The following SEM1 variants were observed in gnomAD, a reference collection of about 807,000 sequenced individuals.
SEM1 encodes SEM1 26S proteasome subunit, also known as 26S proteasome complex subunit SEM1.
A neutral mutation model predicts 12.7 loss-of-function variants in SEM1; 3 were observed. That is an observed-to-expected ratio of 0.24 (90% CI 0.11 to 0.61). The LOEUF is 0.61. Among genes scored for constraint, SEM1 ranks in the 20% least tolerant of loss-of-function variants. The pLI is 0.88. For synonymous variants in SEM1, 30 were observed against 27.8 expected, an observed-to-expected ratio of 1.08 and a Z score of -0.25; for missense variants, 59 against 81.3, an observed-to-expected ratio of 0.73 and a Z score of 1.06.
intron 1 of SEM1, among the ~76,000 whole-genome samples, chr7:96,705,405 A>G (rs1790420986): frequency 6.6e-6 from 1 of 152,084 alleles, no homozygotes; most frequent in Non-Finnish European, 1.5e-5. Flanking sequence ...GGAAGAGAAT[A>G]AAAGAATCTA....
chr7:96,539,140 C>T (rs1339333508), intron 2 of SEM1, among the ~76,000 whole-genome samples: 5 of 151,774 alleles, frequency 3.3e-5, no homozygotes. Context: ...GAACTGAATC[C>T]TGCCAGCAAC....
intron 2 of SEM1, among the ~76,000 whole-genome samples, chr7:96,595,727 A>G (rs1806976575): frequency 6.6e-6 from 1 of 152,028 alleles, no homozygotes; most frequent in African/African-American, 2.4e-5. Flanking sequence ...TATTCCAAAT[A>G]TTCATTTCTG....
At chr7:96,492,470 C>T (rs959982634) in intron 1 of SEM1, among the ~76,000 whole-genome samples, 2 of 151,518 alleles carry the variant, frequency 1.3e-5, no homozygotes, top group Non-Finnish European at 2.9e-5. Flanking sequence ...AGTGCAGTGG[C>T]GTGTTCACAG....
At chr7:96,708,854 G>A (rs138549085) in intron 1 of SEM1, among the ~76,000 whole-genome samples, 2 of 152,080 alleles carry the variant, frequency 1.3e-5, no homozygotes, top group East Asian at 1.9e-4. Flanking sequence ...AAAGCACTTA[G>A]ACAAGTTCCT....
intron 2 of SEM1, among the ~76,000 whole-genome samples, chr7:96,508,401 G>A (rs902297759): frequency 1.3e-5 from 2 of 152,056 alleles, no homozygotes; most frequent in African/African-American, 4.8e-5. Context: ...CACTTCTGGT[G>A]GCAGGGCAGG....
intron 2 of SEM1, among the ~76,000 whole-genome samples, chr7:96,654,247 G>T (rs756205913): frequency 2.0e-5 from 3 of 152,192 alleles, no homozygotes; most frequent in Non-Finnish European, 4.4e-5. Context: ...TCTACAACAT[G>T]AGAGTCCAGG....
Position 96,556,076 on chromosome 7 carries a change from A to T in SEM1, c.171-49378T>A, listed in dbSNP as rs1207500950. 2.6e-5 allele frequency among the ~76,000 whole-genome samples: 4 copies of T among 151,870 alleles called. No homozygotes were observed. The East Asian group carries it at 7.7e-4, about 29-fold the overall frequency. On this transcript the variant is annotated intron_variant and NMD_transcript_variant, in intron 2 of 3. Transcript: ENST00000466986. ...TCCTCCATCCTTTTATTTTGAGCCT[A>T]TGGGTGTCGCTGCACGTGAGATGGG...
At chr7:96,622,985 C>T (rs1341725441) in intron 2 of SEM1, 2 of 244,192 alleles carry the variant, frequency 8.2e-6, no homozygotes, top group Admixed American at 1.0e-4. Context: ...TTTGGCTAAA[C>T]ATCATTTCCA....
Position 96,706,890 on chromosome 7 carries a change from A to G in SEM1, c.76+2798T>C, listed in dbSNP as rs922890710. Among the ~76,000 whole-genome samples the G allele has an allele frequency of 3.3e-5, 5 of 152,302 alleles. 1 individual carries two copies. Among genetic ancestry groups the G allele is most frequent in the Middle Eastern group, 6.8e-3 (2 of 294 alleles). On this transcript the variant is annotated intron_variant, in intron 1 of 2. Coordinates refer to ENST00000248566, the MANE Select transcript of SEM1 (RefSeq NM_006304.2). ...AGAGATGTTCATAGGCTGCCTTAACAACACCAATTTTAATTTGTATCTGTT... is the reference window on the plus strand; with the variant it reads ...AGAGATGTTCATAGGCTGCCTTAACGACACCAATTTTAATTTGTATCTGTT...
intron 2 of SEM1, among the ~76,000 whole-genome samples, chr7:96,644,671 G>A (rs1808725480): frequency 6.6e-6 from 1 of 152,172 alleles, no homozygotes; most frequent in South Asian, 2.1e-4. Context: ...AGGGCAGAAT[G>A]CTTTCAGGGT....
chr7:96,688,834 C>T lies in SEM1; in HGVS notation c.*90G>A. The T allele has an allele frequency of 2.7e-6, 2 of 733,174 alleles. No homozygotes were observed. The highest frequency in any genetic ancestry group is 2.5e-5 in the Admixed American group (1 of 40,012). 45.4% of individuals were successfully genotyped at this position (733,174 alleles called of 1,614,324 possible). On this transcript the variant is annotated 3_prime_UTR_variant, in exon 3 of 3. Coordinates refer to ENST00000248566, the MANE Select transcript of SEM1 (RefSeq NM_006304.2). ...AAATCCAAGCAGATAATGAAATAAA[C>T]ACATTTTTTTAGTGTCCCATCCTGG...
At chr7:96,545,540 A>G (rs576603757) in intron 2 of SEM1, among the ~76,000 whole-genome samples, 20 of 152,250 alleles carry the variant, frequency 1.3e-4, no homozygotes, top group Non-Finnish European at 7.4e-5. Flanking sequence ...ACTAAGTTTT[A>G]TGTATTGCTA....
chr7:96,580,189 A>T (rs570180625), intron 2 of SEM1, among the ~76,000 whole-genome samples: 2 of 140,906 alleles, frequency 1.4e-5, no homozygotes, highest in African/African-American at 5.3e-5. Flanking sequence ...CTCGTTGTTC[A>T]ATTCCCACCT....
At chr7:96,580,429 T>C (rs1180376286) in intron 2 of SEM1, among the ~76,000 whole-genome samples, 1 of 151,200 alleles carries the variant, frequency 6.6e-6, no homozygotes, top group Non-Finnish European at 1.5e-5. Flanking sequence ...GCAATAAACA[T>C]ACATGTGCAT....
At chr7:96,544,166 A>G (rs1317751911) in intron 2 of SEM1, among the ~76,000 whole-genome samples, 1 of 152,038 alleles carries the variant, frequency 6.6e-6, no homozygotes, top group Non-Finnish European at 1.5e-5. Flanking sequence ...CAATTCCACA[A>G]CCACTTTTGC....
chr7:96,630,585 G>A (rs1022304945), intron 2 of SEM1, among the ~76,000 whole-genome samples: 2 of 152,174 alleles, frequency 1.3e-5, no homozygotes, highest in Admixed American at 1.3e-4. Flanking sequence ...GCCAACTCCT[G>A]GAATTGGGGA....
At chr7:96,502,864 G>T (rs1015212741) in intron 3 of SEM1, among the ~76,000 whole-genome samples, 1 of 152,192 alleles carries the variant, frequency 6.6e-6, no homozygotes, top group African/African-American at 2.4e-5. Context: ...GACAAGTTAT[G>T]CAACTTCACC....
chr7:96,679,378 CTTTGTT>C (rs1370335300), intron 2 of SEM1, among the ~76,000 whole-genome samples: 1 of 151,978 alleles, frequency 6.6e-6, no homozygotes, highest in Non-Finnish European at 1.5e-5. Context: ...AACCGGGAGT[CTTTGTT>C]TTTGAGTACG....
intron 1 of SEM1, among the ~76,000 whole-genome samples, chr7:96,494,887 G>C (rs1803178780): frequency 1.6e-5 from 2 of 124,184 alleles, no homozygotes; most frequent in Non-Finnish European, 3.4e-5. Flanking sequence ...GAGAGAGAAG[G>C]GGGTGAAGAG....
Sources: gnomAD v4.1 joint callset for allele counts (sites outside exome capture counted in the v4.1 genomes callset) on GRCh38, gnomAD v4.1.1 for gene constraint, MANE v1.5 for transcripts, NCBI Gene and HGNC (gene_info 2026-07-23, HGNC 2026-07-21) for gene names.